Variants in KCNJ15 observed in about 807,000 individuals in gnomAD.
KCNJ15 encodes the protein ATP-sensitive inward rectifier potassium channel 15.
Under a neutral mutation model 23.0 loss-of-function variants are expected in KCNJ15, and 14 were observed. The ratio of observed to expected loss-of-function variants is 0.61; its 90% CI spans 0.40 to 0.95. The LOEUF is 0.95. Ranked by LOEUF, KCNJ15 falls within the 40% of genes least tolerant of loss-of-function variation. The pLI is 0.00. For synonymous variants in KCNJ15, 185 were observed against 183.2 expected, an observed-to-expected ratio of 1.01 and a Z score of -0.08; for missense variants, 388 against 461.8, an observed-to-expected ratio of 0.84 and a Z score of 1.46.
Position 38,231,473 on chromosome 21 carries a change from ATT to A in KCNJ15, c.-398-25572_-398-25571del, listed in dbSNP as rs1917273513. Among the ~76,000 whole-genome samples the A allele has an allele frequency of 2.0e-5, 3 of 152,006 alleles. No individual in the cohort carries two copies. The East Asian group carries it at 5.8e-4, about 29-fold the overall frequency. On this transcript the variant is annotated intron_variant, in intron 1 of 4. Transcript: ENST00000547341. ...TTTCCCAGGCTAGAACCTCCAATAT[ATT>A]GTTAAATAGAAGTAGTGAGAGTGGA...
At chr21:38,243,452 T>C (rs1462940499) in intron 1 of KCNJ15, among the ~76,000 whole-genome samples, 1 of 83,580 alleles carries the variant, frequency 1.2e-5, no homozygotes, top group South Asian at 4.5e-4. Flanking sequence ...CTTTTTGAGA[T>C]GGAGTATCAC....
At chr21:38,244,350 T>A (rs888029877) in intron 1 of KCNJ15, among the ~76,000 whole-genome samples, 3 of 152,174 alleles carry the variant, frequency 2.0e-5, no homozygotes, top group African/African-American at 7.2e-5. Flanking sequence ...GACTTTGGTG[T>A]CTTAGTTCAA....
chr21:38,288,119 C>CAAAA (rs1250575184), intron 1 of KCNJ15, among the ~76,000 whole-genome samples: 8 of 133,038 alleles, frequency 6.0e-5, no homozygotes, highest in African/African-American at 2.2e-4. Flanking sequence ...CAGCTCACTG[C>CAAAA]AAGCTCCACT....
At chr21:38,249,382 C>T (rs1287158649) in intron 1 of KCNJ15, among the ~76,000 whole-genome samples, 1 of 152,044 alleles carries the variant, frequency 6.6e-6, no homozygotes, top group African/African-American at 2.4e-5. Context: ...CTACTAAGTA[C>T]ACACAGATTT....
chr21:38,250,616 C>G (rs549675213), intron 1 of KCNJ15, among the ~76,000 whole-genome samples: 2 of 152,190 alleles, frequency 1.3e-5, no homozygotes, highest in South Asian at 4.1e-4. Context: ...AAGGACGTGC[C>G]GGAATACAGC....
intron 1 of KCNJ15, among the ~76,000 whole-genome samples, chr21:38,245,184 G>A: frequency 6.6e-6 from 1 of 152,016 alleles, no homozygotes; most frequent in South Asian, 2.1e-4. Flanking sequence ...TTCTACGTCG[G>A]AGTTTACCGC....
intron 1 of KCNJ15, chr21:38,238,542 A>G (rs1343228540): frequency 1.6e-6 from 1 of 640,062 alleles, no homozygotes; most frequent in Non-Finnish European, 3.0e-6. Context: ...CCACCGGGAC[A>G]TGGTGCATGT....
chr21:38,247,380 GA>G, intron 1 of KCNJ15, among the ~76,000 whole-genome samples: 1 of 143,248 alleles, frequency 7.0e-6, no homozygotes, highest in South Asian at 2.3e-4. Context: ...ATGGATGGAT[GA>G]ATGGATGTAT....
rs1265870977 is a variant in KCNJ15, at chr21:38,234,127, T to C, written c.-398-22919T>C. ...TTGATAAATATGTTAGATTTTATCT[T>C]TGTTATAAGCCCTAGATTATATTTT... is the stretch of plus-strand genomic sequence containing the variant. On this transcript the variant is annotated intron_variant, in intron 1 of 4. Transcript: ENST00000547341. Among the ~76,000 whole-genome samples, 5 of 152,190 alleles carry C rather than the reference T, an allele frequency of 3.3e-5. No homozygotes were observed. The East Asian group carries it at 7.7e-4, about 23-fold the overall frequency.
chr21:38,299,406 C>A lies in KCNJ15; in HGVS notation c.145C>A (p.Leu49Ile). 6.2e-7 allele frequency: 1 copy of A among 1,614,198 alleles called. No individual in the cohort carries two copies. Among genetic ancestry groups the A allele is most frequent in the Non-Finnish European group, 8.5e-7 (1 of 1,180,026 alleles). The stretch of plus-strand genomic sequence containing the variant: ...TGACAAAGTGGATGGCATATACCTA[C>A]TCTACCTGCAAGACCTGTGGACCAC... ...RIDKVDGIYL[L>I]YLQDLWTTVI... Residue 49 changes from leucine to isoleucine, a missense_variant, in exon 3 of 3, where the codon CTC (leucine) becomes ATC (isoleucine). Coordinates refer to ENST00000398938, the MANE Select transcript of KCNJ15 (RefSeq NM_170736.3). The surrounding 1 kb of genome is among the most constrained non-coding windows in gnomAD (Gnocchi z 4.5).
At chr21:38,280,933 A>G (rs1273824832) in intron 1 of KCNJ15, among the ~76,000 whole-genome samples, 1 of 152,286 alleles carries the variant, frequency 6.6e-6, no homozygotes, top group East Asian at 1.9e-4. Flanking sequence ...ATGAGAACAC[A>G]GTCACTCAAA....
At chr21:38,238,885 C>G (rs1031254618) in intron 1 of KCNJ15, among the ~76,000 whole-genome samples, 15 of 152,226 alleles carry the variant, frequency 9.9e-5, no homozygotes, top group Non-Finnish European at 1.9e-4. Context: ...CTTTCTCTCT[C>G]TCTCACATTT....
At chr21:38,239,454 G>A (rs1166450106) in intron 1 of KCNJ15, among the ~76,000 whole-genome samples, 5 of 152,110 alleles carry the variant, frequency 3.3e-5, no homozygotes. Flanking sequence ...AGCCTCTTCT[G>A]GGGTCCTGAT....
chr21:38,290,357 A>AT (rs11423740), intron 1 of KCNJ15, among the ~76,000 whole-genome samples: 122,286 of 151,930 alleles, frequency 0.8, 49,596 homozygotes, highest in African/African-American at 0.91. Context: ...ATGGAAAAGA[A>AT]TTTTTTTTAG....
At chr21:38,235,198 T>G (rs1050296442) in intron 1 of KCNJ15, among the ~76,000 whole-genome samples, 5 of 152,230 alleles carry the variant, frequency 3.3e-5, no homozygotes, top group Non-Finnish European at 7.3e-5. Context: ...TCTTTTTTTG[T>G]CAGAAAATCA....
intron 1 of KCNJ15, among the ~76,000 whole-genome samples, chr21:38,263,531 C>A (rs532189417): frequency 1.3e-5 from 2 of 152,228 alleles, no homozygotes; most frequent in Non-Finnish European, 2.9e-5. Context: ...CAAAGACGTT[C>A]TTTAACTTTG....
chr21:38,305,026 G>C lies in KCNJ15; in HGVS notation c.*4637G>C, dbSNP rs1165152120. 1 of 134,036 alleles carries C rather than the reference G, an allele frequency of 7.5e-6. No individual in the cohort carries two copies. Among genetic ancestry groups the C allele is most frequent in the African/African-American group, 2.8e-5 (1 of 36,032 alleles). 8.3% of individuals were successfully genotyped at this position (134,036 alleles called of 1,614,324 possible). A position where few individuals can be genotyped will look rare whatever the true frequency, so the allele number is the denominator to read the frequency against. ...ACCCGGGAGGTGGACGTTGCAGTGA[G>C]CTAAGATCGCGCCACTGCACTCCAG... On this transcript the variant is annotated 3_prime_UTR_variant, in exon 3 of 3. Coordinates refer to ENST00000398938, the MANE Select transcript of KCNJ15 (RefSeq NM_170736.3).
intron 1 of KCNJ15, among the ~76,000 whole-genome samples, chr21:38,233,000 T>C (rs554672903): frequency 1.3e-5 from 2 of 152,136 alleles, no homozygotes; most frequent in South Asian, 4.1e-4. Context: ...TAATTATATA[T>C]CCTTTATAAC....
chr21:38,287,215 GC>G, intron 1 of KCNJ15, among the ~76,000 whole-genome samples: 1 of 152,270 alleles, frequency 6.6e-6, no homozygotes, highest in Non-Finnish European at 1.5e-5. Context: ...AAACTTCTTA[GC>G]TTTTCTGACA....
Sources: allele counts gnomAD v4.1 joint callset (sites outside exome capture counted in the v4.1 genomes callset), GRCh38; gene constraint gnomAD v4.1.1; non-coding constraint Gnocchi (gnomAD v3.1); transcripts MANE v1.5; gene names NCBI Gene and HGNC (gene_info 2026-07-23, HGNC 2026-07-21).